TFEC: variants seen among roughly 807,000 people sequenced by gnomAD.
TFEC encodes class E basic helix-loop-helix protein 34.
A neutral mutation model predicts 41.6 loss-of-function variants in TFEC; 31 were observed. That is an observed-to-expected ratio of 0.74 (90% confidence interval 0.56 to 1.01). The LOEUF (loss-of-function observed/expected upper bound fraction) is 1.01, where lower values mean the gene tolerates loss of function less well. Ranked by LOEUF, TFEC falls within the 50% of genes least tolerant of loss-of-function variation. TFEC has a pLI of 0.00. For synonymous variants in TFEC, 143 were observed against 140.6 expected (o/e 1.02, Z -0.12); for missense variants, 402 against 404.1 (o/e 0.99, Z 0.04).
In TFEC at chr7:115,984,087, T is replaced by C. The variant is rs549989768; in HGVS notation, c.180+175A>G. ...AAACAAGAATTTTTATAATTTATTA[T>C]GCATAGGAATTTATATGCATATAGT... is the stretch of plus-strand genomic sequence containing the variant. On this transcript the variant is annotated intron_variant, in intron 2 of 7. Coordinates refer to ENST00000265440, the MANE Select transcript of TFEC (RefSeq NM_012252.4). Among the ~76,000 whole-genome samples the C allele has an allele frequency of 4.5e-4, 68 of 152,302 alleles. 1 individual carries two copies. In the Middle Eastern group the frequency reaches 0.014, roughly 30 times the overall value.
At chr7:116,149,078 T>C (rs1048263920) in intron 1 of TFEC, among the ~76,000 whole-genome samples, 26 of 151,936 alleles carry the variant, frequency 1.7e-4, no homozygotes, top group African/African-American at 5.1e-4. Context: ...TCCAACTTAA[T>C]GAACTGAGAA....
intron 3 of TFEC, among the ~76,000 whole-genome samples, chr7:115,972,464 C>T (rs1384764255): frequency 1.3e-5 from 2 of 152,112 alleles, no homozygotes; most frequent in Admixed American, 6.6e-5. Flanking sequence ...CACATTCTTT[C>T]CCGCCCTCTC....
chr7:116,014,397 T>A (rs537210082), intron 1 of TFEC, among the ~76,000 whole-genome samples: 3 of 151,950 alleles, frequency 2.0e-5, no homozygotes, highest in Non-Finnish European at 4.4e-5. Flanking sequence ...ATAATGTAGC[T>A]TTGGAATATA....
intron 6 of TFEC, among the ~76,000 whole-genome samples, chr7:115,947,918 T>C (rs898137312): frequency 1.3e-5 from 2 of 152,010 alleles, no homozygotes; most frequent in African/African-American, 2.4e-5. Context: ...AGCTGGTTTT[T>C]TGAAAGGATC....
chr7:116,124,945 A>G (rs185136315), intron 1 of TFEC, among the ~76,000 whole-genome samples: 29 of 152,312 alleles, frequency 1.9e-4, no homozygotes, highest in Admixed American at 1.2e-3. Flanking sequence ...GAAGATCCAC[A>G]TGTATTCAAT....
intron 1 of TFEC, among the ~76,000 whole-genome samples, chr7:116,013,552 C>T (rs1795081127): frequency 6.6e-6 from 1 of 152,082 alleles, no homozygotes; most frequent in African/African-American, 2.4e-5. Flanking sequence ...CTTGTACTTC[C>T]ATTTCATCTA....
chr7:116,044,975 A>C (rs893932485), intron 3 of TFEC, among the ~76,000 whole-genome samples: 6 of 152,202 alleles, frequency 3.9e-5, no homozygotes, highest in African/African-American at 1.4e-4. Context: ...CCCTTTATCC[A>C]ATGCATCCCA....
intron 1 of TFEC, among the ~76,000 whole-genome samples, chr7:115,988,084 T>C (rs6978353): frequency 0.43 from 65,930 of 151,948 alleles, 14,642 homozygotes; most frequent in Non-Finnish European, 0.49. Flanking sequence ...ATAGAGAATA[T>C]TTTCCTTTAC....
At chr7:116,019,469 A>T (rs1795314624) in intron 1 of TFEC, among the ~76,000 whole-genome samples, 1 of 152,194 alleles carries the variant, frequency 6.6e-6, no homozygotes, top group Non-Finnish European at 1.5e-5. Context: ...TACAATGACA[A>T]AATGGCAGCC....
chr7:116,159,837 T>C (rs532844780), exon 1 of TFEC: 2 of 152,266 alleles, frequency 1.3e-5, no homozygotes, highest in East Asian at 3.9e-4. Context: ...AATCTCTCCA[T>C]TTGTTTTGTA....
intron 1 of TFEC, among the ~76,000 whole-genome samples, chr7:115,999,243 G>A (rs533583695): frequency 2.6e-5 from 4 of 152,072 alleles, no homozygotes; most frequent in Admixed American, 2.0e-4. Flanking sequence ...TGAATGACCA[G>A]TGGGCAAATT....
At chr7:115,958,742 G>A (rs1792370292) in intron 3 of TFEC, among the ~76,000 whole-genome samples, 1 of 151,724 alleles carries the variant, frequency 6.6e-6, no homozygotes, top group Non-Finnish European at 1.5e-5. Flanking sequence ...ATATTCTTCT[G>A]ATCTTGGTTA....
At chr7:115,990,124 T>C (rs1794040854) in intron 1 of TFEC, among the ~76,000 whole-genome samples, 1 of 152,040 alleles carries the variant, frequency 6.6e-6, no homozygotes, top group Non-Finnish European at 1.5e-5. Context: ...GTGTCTGGAG[T>C]GGACCTCCAG....
At chr7:116,008,158 G>C (rs1794870480) in intron 1 of TFEC, among the ~76,000 whole-genome samples, 1 of 152,082 alleles carries the variant, frequency 6.6e-6, no homozygotes, top group East Asian at 1.9e-4. Context: ...ACATCAGACA[G>C]GCAATTATCT....
intron 1 of TFEC, among the ~76,000 whole-genome samples, chr7:116,120,605 G>C (rs1798090133): frequency 6.6e-6 from 1 of 151,850 alleles, no homozygotes; most frequent in Admixed American, 6.6e-5. Context: ...TTTCTCCATA[G>C]GACTTATGCA....
chr7:115,977,650 G>C (rs1346242846), intron 2 of TFEC, among the ~76,000 whole-genome samples: 1 of 151,770 alleles, frequency 6.6e-6, no homozygotes, highest in Non-Finnish European at 1.5e-5. Flanking sequence ...CAAAACAAAA[G>C]AATGAGTAAA....
intron 3 of TFEC, among the ~76,000 whole-genome samples, chr7:116,059,648 C>T (rs183046766): frequency 5.2e-4 from 79 of 151,994 alleles, no homozygotes; most frequent in African/African-American, 1.6e-3. Context: ...AGGATTAGGT[C>T]GAGTGCATCC....
intron 3 of TFEC, chr7:116,110,665 A>G (rs1797833238): frequency 8.2e-7 from 1 of 1,219,232 alleles, no homozygotes. Context: ...TAGTTACTAT[A>G]CTTACTTAGA....
intron 3 of TFEC, among the ~76,000 whole-genome samples, chr7:115,960,068 T>C (rs189124575): frequency 6.0e-5 from 9 of 151,128 alleles, no homozygotes; most frequent in Admixed American, 5.9e-4. Flanking sequence ...CTAATAAGAA[T>C]GATAGAAAAG....
Sources: allele counts gnomAD v4.1 joint callset (sites outside exome capture counted in the v4.1 genomes callset), GRCh38; gene constraint gnomAD v4.1.1; transcripts MANE v1.5; gene names NCBI Gene and HGNC (gene_info 2026-07-23, HGNC 2026-07-21).